The following DNAH6 variants were observed in gnomAD, a reference collection of about 807,000 sequenced individuals.
DNAH6 encodes axonemal beta dynein heavy chain 6.
In DNAH6, 340 loss-of-function variants were observed where a neutral mutation model predicts 491.4. The ratio of observed to expected loss-of-function variants is 0.69; its 90% confidence interval spans 0.63 to 0.76. The LOEUF is 0.76. Ranked by LOEUF, DNAH6 falls within the 30% of genes least tolerant of loss-of-function variation. The pLI, the probability that DNAH6 is intolerant of heterozygous loss-of-function variation, is 0.00. For missense variants in DNAH6, 4,443 were observed against 4,972.2 expected, an observed-to-expected ratio of 0.89 and a Z score of 3.20; for synonymous variants, 1,603 against 1,686.1, an observed-to-expected ratio of 0.95 and a Z score of 1.21.
intron 45 of DNAH6, among the ~76,000 whole-genome samples, chr2:84,689,981 C>T (rs1217461631): frequency 6.6e-6 from 1 of 152,214 alleles, no homozygotes; most frequent in Non-Finnish European, 1.5e-5. Context: ...CCACATCTTT[C>T]TTATTGCGTG....
intron 32 of DNAH6, among the ~76,000 whole-genome samples, chr2:84,641,319 C>T (rs1689372475): frequency 6.6e-6 from 1 of 152,174 alleles, no homozygotes; most frequent in Admixed American, 6.6e-5. Context: ...CTTTCCTACC[C>T]TCTGTTCTAT....
In DNAH6 at chr2:84,571,403, C is replaced by T. The variant is rs137917718; in HGVS notation, c.1804-2064C>T. ...TAAGCCTGCCAAACGCTGCCTTAGC[C>T]AATGTGTTAGTATTACCAGTAATGA... On this transcript the variant is annotated intron_variant, in intron 11 of 76. Transcript: ENST00000389394. Among the ~76,000 whole-genome samples, 1,156 of 152,224 alleles carry T rather than the reference C, an allele frequency of 7.6e-3. 14 individuals are homozygous for T. The highest frequency in any genetic ancestry group is 0.034 in the Middle Eastern group (10 of 294).
intron 9 of DNAH6, 123 bp downstream of exon 9, chr2:84,550,180 G>T: frequency 1.3e-6 from 1 of 789,596 alleles, no homozygotes; most frequent in South Asian, 2.3e-5. Flanking sequence ...ATAGAGCAGC[G>T]GCCCCCAACA....
chr2:84,464,374 C>G, the DNAH6 span, among the ~76,000 whole-genome samples: 1 of 152,178 alleles, frequency 6.6e-6, no homozygotes, highest in Non-Finnish European at 1.5e-5. Flanking sequence ...CTCTGTCTCT[C>G]CTACTCCCCC....
At chr2:84,737,689 T>C (rs949368957) in intron 62 of DNAH6, among the ~76,000 whole-genome samples, 1 of 152,012 alleles carries the variant, frequency 6.6e-6, no homozygotes, top group Admixed American at 6.6e-5. Context: ...ACTTTTGTTA[T>C]TTCTGATTAT....
chr2:84,525,037 G>T (rs1388327002), intron 2 of DNAH6, among the ~76,000 whole-genome samples: 1 of 151,926 alleles, frequency 6.6e-6, no homozygotes, highest in East Asian at 1.9e-4. Context: ...AACTCATAAT[G>T]CTTAGTAACA....
At chr2:84,787,050 T>A in intron 67 of DNAH6, 114 bp from the exon 68 acceptor site, 1 of 700,246 alleles carries the variant, frequency 1.4e-6, no homozygotes, top group Non-Finnish European at 2.3e-6. Flanking sequence ...TTTTACTGAT[T>A]TTGCAGTGTG....
At chr2:84,734,936 T>C (rs1699413691) in intron 62 of DNAH6, among the ~76,000 whole-genome samples, 1 of 152,214 alleles carries the variant, frequency 6.6e-6, no homozygotes, top group African/African-American at 2.4e-5. Flanking sequence ...GTACGTGTGC[T>C]GGTTTGTTAC....
At chr2:84,658,213 C>T in intron 35 of DNAH6, 79 bp from the exon 36 acceptor site, 3 of 1,000,830 alleles carry the variant, frequency 3.0e-6, no homozygotes, top group Non-Finnish European at 4.1e-6. Context: ...TAGAAATATC[C>T]AGATTTTAAC....
At chr2:84,521,647 G>A (rs1266244670) in intron 2 of DNAH6, among the ~76,000 whole-genome samples, 8 of 152,082 alleles carry the variant, frequency 5.3e-5, no homozygotes, top group African/African-American at 1.9e-4. Context: ...GTTAATTTTT[G>A]TATATGGTGT....
At chr2:84,800,668 G>A (rs1423878351) in intron 70 of DNAH6, among the ~76,000 whole-genome samples, 1 of 152,068 alleles carries the variant, frequency 6.6e-6, no homozygotes, top group African/African-American at 2.4e-5. Context: ...AGAGCTCAAA[G>A]TTTGGTCCTT....
intron 64 of DNAH6, chr2:84,777,792 A>AG: frequency 9.6e-7 from 1 of 1,042,124 alleles, no homozygotes; most frequent in Non-Finnish European, 1.5e-6. Context: ...TTTTTGGGGA[A>AG]GCCACTTATC....
At position 84,624,391 on chromosome 2, in the gene DNAH6, G is replaced by A. The variant is rs1355980024; in HGVS notation, c.4197+1G>A. The A allele has an allele frequency of 6.5e-6, 10 of 1,549,964 alleles. No individual in the cohort carries two copies. The Admixed American group carries it at 1.2e-4, about 18-fold the overall frequency. On this transcript the variant is annotated splice_donor_variant, in intron 27 of 76. Transcript: ENST00000389394. LOFTEE classifies it high-confidence loss of function. ...AGTCACTGAACTTGTTCAATCCAAG[G>A]TAACTGTTTCATTTAAGTAAAATTA...
rs150531017 is a variant in DNAH6, at chr2:84,598,166, T to G, written c.2868+2377T>G. Among the ~76,000 whole-genome samples, 5 of 73,932 alleles carry G rather than the reference T, an allele frequency of 6.8e-5. No homozygotes were observed. In the East Asian group the frequency reaches 1.6e-3, roughly 24 times the overall value. The allele number at this position is 73,932 out of a possible 152,430, so 48.5% of individuals were successfully genotyped here. A position where few individuals can be genotyped will look rare whatever the true frequency, so the allele number is the denominator to read the frequency against. ...TTCTTTCTTTCTTTCTTTCTTTCTT[T>G]CTTTCTTTCTTTCTCTCTTTCTTTT... On this transcript the variant is annotated intron_variant, in intron 18 of 76. Transcript: ENST00000389394.
chr2:84,570,177 A>G (rs373664498), intron 11 of DNAH6, among the ~76,000 whole-genome samples: 2 of 152,212 alleles, frequency 1.3e-5, no homozygotes, highest in Non-Finnish European at 1.5e-5. Context: ...AAATAAGAAC[A>G]TGCCCAAATA....
rs1679530826 is a variant in DNAH6, at chr2:84,552,806, TAATG to T, written c.1486-108_1486-105del. ...CTGAAACACTTTCCACATGCCAAGA[TAATG>T]AATTCAGCTAATTATATAAACTTCA... On this transcript the variant is annotated intron_variant, in intron 9 of 76. Transcript: ENST00000389394. 5.7e-6 allele frequency: 3 copies of T among 521,870 alleles called. No homozygotes were observed. The South Asian group carries it at 1.3e-4, about 23-fold the overall frequency. 32.3% of individuals were successfully genotyped at this position (521,870 alleles called of 1,614,324 possible).
chr2:84,641,854 C>T, intron 32 of DNAH6, 93 bp from the exon 33 acceptor site: 1 of 954,276 alleles, frequency 1.0e-6, no homozygotes, highest in South Asian at 1.6e-5. Context: ...CAGGAATCCT[C>T]AGGGGAAGGG....
chr2:84,616,372 G>C (rs1025655462), intron 22 of DNAH6, among the ~76,000 whole-genome samples: 1 of 152,058 alleles, frequency 6.6e-6, no homozygotes, highest in African/African-American at 2.4e-5. Context: ...GGGAGCTCCA[G>C]TGTTAGGTGC....
chr2:84,506,856 TG>T, the DNAH6 span, among the ~76,000 whole-genome samples: 1 of 152,114 alleles, frequency 6.6e-6, no homozygotes, highest in Non-Finnish European at 1.5e-5. Flanking sequence ...TTCTCAGGTT[TG>T]TCAAAGATCA....
Sources: allele counts gnomAD v4.1 joint callset (sites outside exome capture counted in the v4.1 genomes callset), GRCh38; gene constraint gnomAD v4.1.1; transcripts MANE v1.5; gene names NCBI Gene and HGNC (gene_info 2026-07-23, HGNC 2026-07-21).